The following ATF6 variants were observed in gnomAD, a reference collection of about 807,000 sequenced individuals.
ATF6 encodes the protein cyclic AMP-dependent transcription factor ATF-6 alpha.
ATF6 carries 53 observed loss-of-function variants against 83.6 expected under a neutral mutation model. The ratio of observed to expected loss-of-function variants is 0.63; its 90% CI spans 0.51 to 0.80. The LOEUF (loss-of-function observed/expected upper bound fraction) is 0.80, where lower values mean the gene tolerates loss of function less well. Among genes scored for constraint, ATF6 ranks in the 30% least tolerant of loss-of-function variants. ATF6 has a pLI of 0.00. For missense variants in ATF6, 744 were observed against 797.9 expected (o/e 0.93, Z 0.81); for synonymous variants, 288 against 285.8 (o/e 1.01, Z -0.08).
At chr1:161,928,717 C>T (rs1329485630) in intron 15 of ATF6, among the ~76,000 whole-genome samples, 1 of 152,012 alleles carries the variant, frequency 6.6e-6, no homozygotes, top group Non-Finnish European at 1.5e-5. Context: ...ACTTTCAAAA[C>T]AAAACATAGC....
chr1:161,872,104 A>G (rs1188298742), intron 14 of ATF6, among the ~76,000 whole-genome samples: 1 of 151,658 alleles, frequency 6.6e-6, no homozygotes, highest in Non-Finnish European at 1.5e-5. Flanking sequence ...AATCTTTATA[A>G]TTGAGATAGG....
chr1:161,953,587 C>T (rs1192201874), intron 15 of ATF6, among the ~76,000 whole-genome samples: 2 of 152,140 alleles, frequency 1.3e-5, no homozygotes, highest in Non-Finnish European at 2.9e-5. Flanking sequence ...CCTTTGGACA[C>T]TTCCCATCCT....
intron 7 of ATF6, among the ~76,000 whole-genome samples, chr1:161,815,184 A>ATTTTTTTTTT (rs34687938): frequency 3.1e-5 from 3 of 96,424 alleles, no homozygotes; most frequent in Admixed American, 1.3e-4. Flanking sequence ...TCCCATTTTA[A>ATTTTTTTTTT]TTTTTTTTTT....
intron 10 of ATF6, among the ~76,000 whole-genome samples, chr1:161,848,283 G>T (rs1686529897): frequency 6.6e-6 from 1 of 152,028 alleles, no homozygotes; most frequent in South Asian, 2.1e-4. Context: ...AAAAATGTTT[G>T]TGAAACATTT....
chr1:161,824,401 AAG>A (rs1051091235), intron 9 of ATF6, among the ~76,000 whole-genome samples: 12 of 151,332 alleles, frequency 7.9e-5, no homozygotes, highest in Non-Finnish European at 1.6e-4. Flanking sequence ...AAAAAAAAAA[AAG>A]CTCAAATGCC....
At chr1:161,804,293 A>G (rs1212154485) in intron 7 of ATF6, among the ~76,000 whole-genome samples, 1 of 152,144 alleles carries the variant, frequency 6.6e-6, no homozygotes, top group Non-Finnish European at 1.5e-5. Flanking sequence ...AAAAAGATAA[A>G]GACTAATTAG....
At position 161,821,194 on chromosome 1, in the gene ATF6, T is replaced by A. The variant is rs750662887; in HGVS notation, c.1187+33T>A. On this transcript the variant is annotated intron_variant, in intron 9 of 15. Transcript: ENST00000367942. ...AATAGATATTTATTTTGGACACTAA[T>A]GCTAAAAACTTAAATTCTCATTATT... The A allele has an allele frequency of 4.3e-6, 6 of 1,398,716 alleles. No individual in the cohort carries two copies. In the East Asian group the frequency reaches 1.4e-4, roughly 33 times the overall value. The allele number at this position is 1,398,716 out of a possible 1,614,324, so 86.6% of individuals were successfully genotyped here. A position where few individuals can be genotyped will look rare whatever the true frequency, so the allele number is the denominator to read the frequency against.
At chr1:161,847,480 T>G (rs1042248865) in intron 10 of ATF6, among the ~76,000 whole-genome samples, 1 of 152,110 alleles carries the variant, frequency 6.6e-6, no homozygotes, top group Non-Finnish European at 1.5e-5. Context: ...GTATGCCAAG[T>G]CAGTGGAGGA....
At chr1:161,814,412 G>A (rs1214218562) in intron 7 of ATF6, among the ~76,000 whole-genome samples, 1 of 152,116 alleles carries the variant, frequency 6.6e-6, no homozygotes, top group Non-Finnish European at 1.5e-5. Flanking sequence ...AGATTGGTAG[G>A]GTTTCCCCAT....
chr1:161,948,569 A>G (rs1016708903), intron 15 of ATF6, among the ~76,000 whole-genome samples: 1 of 152,216 alleles, frequency 6.6e-6, no homozygotes, highest in Non-Finnish European at 1.5e-5. Context: ...TAAACTTAAA[A>G]TTTACATTTT....
In ATF6 at chr1:161,766,579, C is replaced by T. The variant is rs994619756; in HGVS notation, c.82+137C>T. 5.9e-6 allele frequency: 4 copies of T among 680,212 alleles called. No homozygotes were observed. In the East Asian group the frequency reaches 8.4e-5, roughly 14 times the overall value. The allele number at this position is 680,212 out of a possible 1,614,324, so 42.1% of individuals were successfully genotyped here. On this transcript the variant is annotated intron_variant, in intron 1 of 15. Transcript: ENST00000367942. ...AGTGAGGCCCCTCGTCACTCCTGTT[C>T]GTGCCCCTGGAAGAGTCTGGGAGTA...
intron 15 of ATF6, among the ~76,000 whole-genome samples, chr1:161,945,951 G>A (rs932987635): frequency 1.6e-4 from 24 of 152,104 alleles, no homozygotes; most frequent in Non-Finnish European, 1.9e-4. Flanking sequence ...AAGTACTTAC[G>A]TAAGATGCTA....
chr1:161,956,063 AT>A (rs1463783855), intron 15 of ATF6, among the ~76,000 whole-genome samples: 1 of 152,144 alleles, frequency 6.6e-6, no homozygotes, highest in African/African-American at 2.4e-5. Flanking sequence ...TCTTCTTGAT[AT>A]TTAAAGCTTT....
intron 7 of ATF6, among the ~76,000 whole-genome samples, chr1:161,806,109 G>A (rs1685274084): frequency 6.6e-6 from 1 of 152,144 alleles, no homozygotes; most frequent in Admixed American, 6.5e-5. Flanking sequence ...GTTTGTTTTT[G>A]GCTGTGATCC....
chr1:161,805,747 A>AT (rs1251586877), intron 7 of ATF6, among the ~76,000 whole-genome samples: 1 of 151,846 alleles, frequency 6.6e-6, no homozygotes, highest in Non-Finnish European at 1.5e-5. Context: ...TCAAAAAAAT[A>AT]TTTTTTATCA....
intron 6 of ATF6, among the ~76,000 whole-genome samples, chr1:161,800,188 G>A (rs1479128397): frequency 6.6e-6 from 1 of 152,082 alleles, no homozygotes; most frequent in Non-Finnish European, 1.5e-5. Context: ...TGAAATGCTT[G>A]GAACCAGAAG....
chr1:161,892,681 G>C (rs1440564494), intron 14 of ATF6, among the ~76,000 whole-genome samples: 1 of 147,374 alleles, frequency 6.8e-6, no homozygotes, highest in Non-Finnish European at 1.5e-5. Flanking sequence ...CCAGGCTGGA[G>C]TGTGGAGTGC....
chr1:161,879,437 T>C (rs1458605420), intron 14 of ATF6, among the ~76,000 whole-genome samples: 1 of 152,120 alleles, frequency 6.6e-6, no homozygotes, highest in African/African-American at 2.4e-5. Flanking sequence ...ACAGCCCCTG[T>C]ACTCAAGGAG....
Position 161,888,108 on chromosome 1 carries a change from C to A in ATF6, c.1720-24188C>A, listed in dbSNP as rs117726306. Among the ~76,000 whole-genome samples, 54 of 152,310 alleles carry A rather than the reference C, an allele frequency of 3.5e-4. 1 individual carries two copies. In the East Asian group the frequency reaches 0.01, roughly 29 times the overall value. On this transcript the variant is annotated intron_variant, in intron 14 of 15. Coordinates refer to ENST00000367942, the MANE Select transcript of ATF6 (RefSeq NM_007348.4). ...ACATTACGAATAAATAAAACTCTTACATCATACCAGAAAAAAGAACAGCTG... is the reference window on the plus strand; with the variant it reads ...ACATTACGAATAAATAAAACTCTTAAATCATACCAGAAAAAAGAACAGCTG...
Sources: allele counts gnomAD v4.1 joint callset (sites outside exome capture counted in the v4.1 genomes callset), GRCh38; gene constraint gnomAD v4.1.1; transcripts MANE v1.5; gene names NCBI Gene and HGNC (gene_info 2026-07-23, HGNC 2026-07-21).